The following WDFY2 variants were observed in gnomAD, a reference collection of about 807,000 sequenced individuals.
The protein encoded by WDFY2 is WD repeat and FYVE domain-containing protein 2.
WDFY2 carries 36 observed loss-of-function variants against 56.4 expected under a neutral mutation model. The observed-to-expected ratio is 0.64, with a 90% CI of 0.49 to 0.84. WDFY2 has a LOEUF of 0.84. WDFY2 is among the 40% of genes least tolerant of loss of function. The pLI, the probability that WDFY2 is intolerant of heterozygous loss-of-function variation, is 0.00. For synonymous variants in WDFY2, 176 were observed against 183.7 expected (o/e 0.96, Z 0.34); for missense variants, 444 against 512.2 (o/e 0.87, Z 1.29).
intron 1 of WDFY2, among the ~76,000 whole-genome samples, chr13:51,596,268 TAAG>T (rs1287666586): frequency 1.3e-5 from 2 of 152,202 alleles, no homozygotes; most frequent in Non-Finnish European, 2.9e-5. Context: ...AAAATTAAAT[TAAG>T]GAGGTTAATC....
At chr13:51,686,940 T>C (rs947937208) in intron 3 of WDFY2, among the ~76,000 whole-genome samples, 1 of 151,678 alleles carries the variant, frequency 6.6e-6, no homozygotes, top group Non-Finnish European at 1.5e-5. Flanking sequence ...GAACCCCCAA[T>C]TGAGAAATCT....
chr13:51,707,007 A>G (rs1952096722), intron 4 of WDFY2, among the ~76,000 whole-genome samples: 1 of 152,226 alleles, frequency 6.6e-6, no homozygotes, highest in African/African-American at 2.4e-5. Flanking sequence ...TATGGAAAAA[A>G]CAGGAAGATT....
intron 3 of WDFY2, among the ~76,000 whole-genome samples, chr13:51,676,068 A>G (rs1955882637): frequency 6.6e-6 from 1 of 152,144 alleles, no homozygotes; most frequent in South Asian, 2.1e-4. Flanking sequence ...TGAGGGCTCA[A>G]GGGGATGTAT....
intron 3 of WDFY2, 107 bp from the exon 4 acceptor site, chr13:51,703,489 T>C (rs926521240): frequency 2.5e-6 from 2 of 791,704 alleles, no homozygotes; most frequent in Non-Finnish European, 4.0e-6. Flanking sequence ...ATACTAATGT[T>C]GGATGTAATC....
chr13:51,608,754 C>A (rs1954432346), intron 1 of WDFY2, among the ~76,000 whole-genome samples: 1 of 152,128 alleles, frequency 6.6e-6, no homozygotes, highest in Non-Finnish European at 1.5e-5. Flanking sequence ...ATCAGATATG[C>A]ATATTTTGTT....
At chr13:51,617,505 A>G (rs1954640558) in intron 1 of WDFY2, among the ~76,000 whole-genome samples, 1 of 152,178 alleles carries the variant, frequency 6.6e-6, no homozygotes, top group African/African-American at 2.4e-5. Context: ...TCTGGACATC[A>G]TGAAGTCATT....
intron 3 of WDFY2, among the ~76,000 whole-genome samples, chr13:51,675,668 C>T (rs533620944): frequency 2.0e-5 from 3 of 152,280 alleles, no homozygotes; most frequent in Admixed American, 6.5e-5. Flanking sequence ...ACTCTGTGTT[C>T]TTTCTTTGTT....
intron 1 of WDFY2, among the ~76,000 whole-genome samples, chr13:51,602,016 G>A (rs561478202): frequency 3.1e-4 from 47 of 152,190 alleles, no homozygotes; most frequent in African/African-American, 1.0e-3. Context: ...GTGAGTATTG[G>A]CATTACACAA....
chr13:51,739,454 A>G (rs1952915167), intron 7 of WDFY2, among the ~76,000 whole-genome samples: 1 of 152,190 alleles, frequency 6.6e-6, no homozygotes, highest in African/African-American at 2.4e-5. Context: ...TGGGAAGAAT[A>G]TAACAGTAAA....
chr13:51,699,279 C>A (rs1951935591), intron 3 of WDFY2, among the ~76,000 whole-genome samples: 1 of 152,192 alleles, frequency 6.6e-6, no homozygotes, highest in African/African-American at 2.4e-5. Context: ...AGATAAATTC[C>A]CTCTCCATCC....
intron 3 of WDFY2, among the ~76,000 whole-genome samples, chr13:51,679,490 G>T (rs1234921769): frequency 6.6e-6 from 1 of 151,978 alleles, no homozygotes; most frequent in Non-Finnish European, 1.5e-5. Flanking sequence ...AGTTTGATTG[G>T]GATGAGAGGA....
intron 3 of WDFY2, among the ~76,000 whole-genome samples, chr13:51,686,139 G>A (rs1012309916): frequency 6.6e-6 from 1 of 152,102 alleles, no homozygotes; most frequent in African/African-American, 2.4e-5. Context: ...AGATGTGGTG[G>A]GGTTGAGGTA....
intron 4 of WDFY2, among the ~76,000 whole-genome samples, chr13:51,707,943 T>C (rs1952122061): frequency 3.5e-5 from 3 of 84,714 alleles, no homozygotes; most frequent in Non-Finnish European, 4.8e-5. Context: ...AAACAACTTT[T>C]TTTTTTTTTT....
chr13:51,719,292 TGA>T lies in WDFY2; in HGVS notation c.433_434del (p.Ser145TrpfsTer19). The T allele has an allele frequency of 1.2e-6, 2 of 1,613,924 alleles. No homozygotes were observed. Among genetic ancestry groups the T allele is most frequent in the Non-Finnish European group, 1.7e-6 (2 of 1,179,872 alleles). ...QDKQFAWHCSESGQRLGGYRT... is the reference protein window; with the variant it reads ...QDKQFAWHCSXSGQRLGGYRT... ...ACAAGCAATTTGCCTGGCACTGCTC[TGA>T]GAGTGGGCAGCGCCTGGGAGGTTAT... On this transcript the variant is annotated frameshift_variant, in exon 5 of 12. Transcript: ENST00000298125. LOFTEE classifies it high-confidence loss of function.
chr13:51,740,687 C>G (rs1430454327), intron 7 of WDFY2, among the ~76,000 whole-genome samples: 6 of 150,030 alleles, frequency 4.0e-5, no homozygotes, highest in Non-Finnish European at 5.9e-5. Flanking sequence ...GCACTCCAGC[C>G]TGGGCAACAG....
chr13:51,727,549 C>T, intron 5 of WDFY2, 129 bp from the exon 6 acceptor site: 1 of 784,654 alleles, frequency 1.3e-6, no homozygotes, highest in South Asian at 1.9e-5. Flanking sequence ...ACTTTTGTGT[C>T]TTTCAGCACT....
intron 7 of WDFY2, among the ~76,000 whole-genome samples, chr13:51,746,056 A>AT (rs1220023227): frequency 2.1e-5 from 3 of 144,228 alleles, no homozygotes; most frequent in Non-Finnish European, 4.5e-5. Context: ...GGCTCACTGC[A>AT]ATCTCCACCT....
At chr13:51,659,116 G>A (rs187974456) in intron 1 of WDFY2, among the ~76,000 whole-genome samples, 7 of 151,980 alleles carry the variant, frequency 4.6e-5, no homozygotes, top group African/African-American at 1.7e-4. Context: ...TAGTAGAGAC[G>A]GGGTTTTGTC....
chr13:51,731,260 G>T (rs947485664), intron 6 of WDFY2, among the ~76,000 whole-genome samples: 1 of 152,168 alleles, frequency 6.6e-6, no homozygotes, highest in African/African-American at 2.4e-5. Context: ...GCTGATAGGA[G>T]CTCTGTGAGT....
Sources: allele counts gnomAD v4.1 joint callset (sites outside exome capture counted in the v4.1 genomes callset), GRCh38; gene constraint gnomAD v4.1.1; transcripts MANE v1.5; gene names NCBI Gene and HGNC (gene_info 2026-07-23, HGNC 2026-07-21).